Variants in BTBD7 observed in about 807,000 individuals in gnomAD.
The protein encoded by BTBD7 is BTB domain containing 7, also known as BTB/POZ domain-containing protein 7.
A neutral mutation model predicts 99.9 loss-of-function variants in BTBD7; 38 were observed. The ratio of observed to expected loss-of-function variants is 0.38; its 90% CI spans 0.29 to 0.50. The LOEUF (loss-of-function observed/expected upper bound fraction) is 0.50. Ranked by LOEUF, BTBD7 falls within the 20% of genes least tolerant of loss-of-function variation. The probability of loss-of-function intolerance (pLI) is 0.93; values close to 1 mark genes in which losing one functional copy is unlikely to be tolerated. For synonymous variants in BTBD7, 520 were observed against 511.4 expected, an observed-to-expected ratio of 1.02 and a Z score of -0.23; for missense variants, 1,170 against 1,394.6, an observed-to-expected ratio of 0.84 and a Z score of 2.57.
chr14:93,242,826 G>A lies in BTBD7; in HGVS notation c.2846C>T (p.Ser949Leu), dbSNP rs773624356. Residue 949 changes from serine (S) to leucine (L), a missense_variant, in exon 11 of 11, where the codon TCA becomes TTA. By Grantham distance (145) the Ser-to-Leu change is moderately radical. This residue lies in a region of BTBD7 where 495 missense variants were observed against 525.9 expected (regional missense o/e 0.94). Transcript: ENST00000334746. ...PQEYPDFYDF[S>L]NAACRPSTPA... ...AGTAGAAGGTCTGCAAGCAGCATTT[G>A]AGAAGTCATAGAAATCCGGATATTC... 8 of 1,614,202 alleles carry A rather than the reference G, an allele frequency of 5.0e-6. No homozygotes were observed. Among genetic ancestry groups the A allele is most frequent in the Non-Finnish European group, 5.9e-6 (7 of 1,180,042 alleles).
chr14:93,315,790 ATTGTAT>A (rs2053195891), intron 1 of BTBD7, among the ~76,000 whole-genome samples: 2 of 152,112 alleles, frequency 1.3e-5, no homozygotes, highest in Non-Finnish European at 1.5e-5. Flanking sequence ...GATATACCAC[ATTGTAT>A]TTGATTTATT....
rs148047116 is a variant in BTBD7 at position 93,326,633 on chromosome 14, C to T, written c.-107+6187G>A. Among the ~76,000 whole-genome samples the T allele has an allele frequency of 2.5e-3, 387 of 152,198 alleles. 3 individuals carry two copies. The highest frequency in any genetic ancestry group is 7.5e-3 in the African/African-American group (310 of 41,512). The stretch of plus-strand genomic sequence containing the variant: ...CCTGGCCAATGGGGCGAAACCCTGT[C>T]TCTACTAAAAATACAAAAATCAGCC... On this transcript the variant is annotated intron_variant, in intron 1 of 10. Coordinates refer to ENST00000334746, the MANE Select transcript of BTBD7 (RefSeq NM_001002860.4).
intron 8 of BTBD7, among the ~76,000 whole-genome samples, chr14:93,249,541 G>A (rs776697708): frequency 6.6e-6 from 1 of 152,200 alleles, no homozygotes; most frequent in African/African-American, 2.4e-5. Flanking sequence ...TGATGTTAAC[G>A]TAAAATGGGC....
At chr14:93,286,037 C>G (rs1416220099) in intron 3 of BTBD7, among the ~76,000 whole-genome samples, 1 of 152,156 alleles carries the variant, frequency 6.6e-6, no homozygotes, top group Non-Finnish European at 1.5e-5. Context: ...ACCCTGGCCA[C>G]TAAAGCTCCT....
chr14:93,273,736 G>T (rs1040628990), intron 3 of BTBD7, among the ~76,000 whole-genome samples: 44 of 152,306 alleles, frequency 2.9e-4, no homozygotes, highest in African/African-American at 1.1e-3. Flanking sequence ...TTCTCTTTAA[G>T]ATCAGTTCCT....
intron 1 of BTBD7, among the ~76,000 whole-genome samples, chr14:93,305,664 GT>G (rs2053061498): frequency 6.6e-6 from 1 of 152,224 alleles, no homozygotes; most frequent in African/African-American, 2.4e-5. Context: ...TCTTGGCCCT[GT>G]TAAGGCAATG....
At chr14:93,273,264 A>C (rs899637723) in intron 3 of BTBD7, among the ~76,000 whole-genome samples, 5 of 152,324 alleles carry the variant, frequency 3.3e-5, no homozygotes, top group Non-Finnish European at 7.3e-5. Flanking sequence ...AATGGAATGG[A>C]AACATTAGTG....
Position 93,332,872 on chromosome 14 carries a change from T to TCCGCCG in BTBD7, c.-165_-160dup. 5.5e-6 allele frequency: 8 copies of TCCGCCG among 1,466,432 alleles called. No homozygotes were observed. The highest frequency in any genetic ancestry group is 7.2e-6 in the Non-Finnish European group (8 of 1,112,202). 90.8% of individuals were successfully genotyped at this position (1,466,432 alleles called of 1,614,324 possible). On this transcript the variant is annotated 5_prime_UTR_variant, in exon 1 of 11. Transcript: ENST00000334746. ...TGCCGCTGGGACCGCTGCCGTCGCCTCCGCCGCCGCCGCCACCAGCACCGC... is the reference window on the plus strand; with the variant it reads ...TGCCGCTGGGACCGCTGCCGTCGCCTCCGCCGCCGCCGCCGCCGCCACCAGCACCGC...
intron 1 of BTBD7, among the ~76,000 whole-genome samples, chr14:93,320,474 T>C (rs1442988462): frequency 1.3e-5 from 2 of 152,168 alleles, no homozygotes; most frequent in African/African-American, 4.8e-5. Context: ...AGCCCTGTAA[T>C]AGAGTGTAAG....
At chr14:93,296,187 A>AT (rs936217638) in intron 1 of BTBD7, 30 bp from the exon 2 acceptor site, 2 of 1,282,750 alleles carry the variant, frequency 1.6e-6, no homozygotes, top group Non-Finnish European at 2.0e-6. Context: ...AATTTAATTC[A>AT]TTTTTTCAAG....
chr14:93,243,200 GTT>G (rs1215374697), intron 10 of BTBD7, 112 bp from the exon 11 acceptor site: 22 of 839,020 alleles, frequency 2.6e-5, no homozygotes, highest in Non-Finnish European at 3.3e-5. Context: ...TTCTGTTTTT[GTT>G]TTTTTTTTTG....
At chr14:93,318,322 G>A (rs12434942) in intron 1 of BTBD7, among the ~76,000 whole-genome samples, 7,161 of 152,254 alleles carry the variant, frequency 0.047, 236 homozygotes, top group Middle Eastern at 0.1. Flanking sequence ...GGAAGAAAGT[G>A]GTTATGATTG....
intron 5 of BTBD7, among the ~76,000 whole-genome samples, chr14:93,261,014 C>A (rs184095905): frequency 6.6e-6 from 1 of 152,282 alleles, no homozygotes; most frequent in East Asian, 1.9e-4. Flanking sequence ...CCTCAGTCTC[C>A]CGAGTAGCTG....
chr14:93,288,544 T>C (rs753281425), intron 3 of BTBD7: 1 of 792,702 alleles, frequency 1.3e-6, no homozygotes, highest in Non-Finnish European at 2.3e-6. Context: ...CATTGTCTGC[T>C]TCCTCCAGGA....
At chr14:93,270,374 G>A (rs2052588638) in intron 3 of BTBD7, among the ~76,000 whole-genome samples, 1 of 152,216 alleles carries the variant, frequency 6.6e-6, no homozygotes, top group East Asian at 2.0e-4. Context: ...GGGATTACAG[G>A]CGTGAGCCAC....
intron 1 of BTBD7, among the ~76,000 whole-genome samples, chr14:93,315,428 T>A (rs1392969927): frequency 2.0e-5 from 3 of 152,234 alleles, no homozygotes; most frequent in Admixed American, 6.5e-5. Context: ...AATGTTAGGC[T>A]TGACTTTTTA....
At chr14:93,327,143 A>G (rs2053342844) in intron 1 of BTBD7, among the ~76,000 whole-genome samples, 1 of 152,238 alleles carries the variant, frequency 6.6e-6, no homozygotes, top group Non-Finnish European at 1.5e-5. Flanking sequence ...CCGCTGTCAA[A>G]GTGAGACTCT....
At chr14:93,319,367 A>C (rs912142259) in intron 1 of BTBD7, among the ~76,000 whole-genome samples, 1 of 152,248 alleles carries the variant, frequency 6.6e-6, no homozygotes, top group African/African-American at 2.4e-5. Context: ...ATGTGGAAAC[A>C]ACCTAAATAT....
In BTBD7 at chr14:93,242,554, G is replaced by C. The variant is rs61740741; in HGVS notation, c.3118C>G (p.Pro1040Ala). Reference protein sequence around the residue: ...VEQPPQRSDFPLAAPENASTG... With the variant: ...VEQPPQRSDFALAAPENASTG... ...CTAGCATTTTCTGGGGCTGCCAAAG[G>C]AAAGTCTGACCGCTGGGGAGGTTGC... Residue 1040 changes from proline (P) to alanine (A), a missense_variant, in exon 11 of 11, where the codon CCT becomes GCT. Pro to Ala is a conservative substitution (Grantham distance 27). Coordinates refer to ENST00000334746, the MANE Select transcript of BTBD7 (RefSeq NM_001002860.4). 7.2e-5 allele frequency: 117 copies of C among 1,614,114 alleles called. No homozygotes were observed. The African/African-American group carries it at 1.3e-3, about 18-fold the overall frequency.
Sources: allele counts gnomAD v4.1 joint callset (sites outside exome capture counted in the v4.1 genomes callset), GRCh38; gene constraint gnomAD v4.1.1; regional missense constraint gnomAD v4.1.1; transcripts MANE v1.5; gene names NCBI Gene and HGNC (gene_info 2026-07-23, HGNC 2026-07-21).